The following VWF variants were observed in gnomAD, a reference collection of about 807,000 sequenced individuals.
The protein encoded by VWF is Factor VIII related antigen.
VWF carries 176 observed loss-of-function variants against 308.6 expected under a neutral mutation model. The observed-to-expected ratio is 0.57, with a 90% confidence interval of 0.50 to 0.65. The LOEUF is 0.65. VWF is among the 30% of genes least tolerant of loss of function. The pLI is 0.00. For missense variants in VWF, 3,146 were observed against 3,648.2 expected (o/e 0.86, Z 3.55); for synonymous variants, 1,385 against 1,443.4 (o/e 0.96, Z 0.92).
rs2136442583 is a variant in VWF, at chr12:6,046,404, C to T, written c.2281+319G>A. Among the ~76,000 whole-genome samples, 1 of 152,340 alleles carries T rather than the reference C, an allele frequency of 6.6e-6. No individual in the cohort carries two copies. The highest frequency in any genetic ancestry group is 1.5e-5 in the Non-Finnish European group (1 of 68,032). ...GTGACTGTCATCACAATCAAGGCCA[C>T]CAACTCACAGCTATCCACTGGGTTA... On this transcript the variant is annotated intron_variant, in intron 17 of 51. Transcript: ENST00000261405. The surrounding 1 kb of genome is among the most constrained non-coding windows in gnomAD (Gnocchi z 5.0).
chr12:6,121,450 T>C (rs1028295982), intron 2 of VWF, 112 bp from the exon 3 acceptor site: 4 of 1,342,712 alleles, frequency 3.0e-6, no homozygotes, highest in Non-Finnish European at 4.2e-6. Context: ...GAAACTGGGC[T>C]GTGGGGAGGT....
intron 1 of VWF, 84 bp from the exon 2 acceptor site, chr12:6,123,280 G>A: frequency 6.8e-7 from 1 of 1,464,648 alleles, no homozygotes; most frequent in Non-Finnish European, 9.6e-7. Flanking sequence ...GCATGCAGTA[G>A]CAAAAACATT....
chr12:6,118,893 C>T (rs1418381057), intron 3 of VWF, among the ~76,000 whole-genome samples: 1 of 152,132 alleles, frequency 6.6e-6, no homozygotes, highest in Non-Finnish European at 1.5e-5. Flanking sequence ...GCTGCTCTTC[C>T]AGCTCCTCCC....
chr12:5,984,931 C>T, intron 40 of VWF, 114 bp downstream of exon 40: 3 of 1,166,152 alleles, frequency 2.6e-6, no homozygotes, highest in South Asian at 2.5e-5. Flanking sequence ...TCCTTACCCA[C>T]CTCCTTTCAC....
chr12:5,986,936 TG>T (rs1943686411), intron 38 of VWF, among the ~76,000 whole-genome samples: 1 of 152,110 alleles, frequency 6.6e-6, no homozygotes, highest in South Asian at 2.1e-4. Flanking sequence ...TTTGTTTGTT[TG>T]TTTGTTTTGA....
At chr12:6,084,884 G>C (rs1424765039) in intron 6 of VWF, among the ~76,000 whole-genome samples, 1 of 152,024 alleles carries the variant, frequency 6.6e-6, no homozygotes, top group African/African-American at 2.4e-5. Flanking sequence ...GTGGGGGAGG[G>C]TAGCTGATTC....
At chr12:5,951,333 GC>G (rs1943187921) in intron 50 of VWF, among the ~76,000 whole-genome samples, 1 of 152,130 alleles carries the variant, frequency 6.6e-6, no homozygotes, top group African/African-American at 2.4e-5. Flanking sequence ...ACTTAGACCA[GC>G]CCCCACAGCA....
intron 40 of VWF, among the ~76,000 whole-genome samples, chr12:5,983,543 G>A (rs41405848): frequency 7.8e-5 from 11 of 141,320 alleles, no homozygotes; most frequent in Non-Finnish European, 1.4e-4. Context: ...ATAGATAGAT[G>A]GATGATAGAT....
intron 44 of VWF, among the ~76,000 whole-genome samples, chr12:5,969,985 C>T (rs560134416): frequency 3.0e-4 from 46 of 152,308 alleles, no homozygotes; most frequent in African/African-American, 1.0e-3. Flanking sequence ...CCCTCTGTGT[C>T]GGCCAGCACC....
intron 34 of VWF, among the ~76,000 whole-genome samples, chr12:5,996,966 G>A (rs902418231): frequency 6.6e-6 from 1 of 152,172 alleles, no homozygotes; most frequent in African/African-American, 2.4e-5. Context: ...CCTAAGTAAA[G>A]TTGGAGATAA....
chr12:6,106,373 G>A (rs1409714116), intron 5 of VWF, among the ~76,000 whole-genome samples: 1 of 152,152 alleles, frequency 6.6e-6, no homozygotes, highest in Admixed American at 6.5e-5. Context: ...ACTTATATGA[G>A]ATACTTAGAG....
intron 3 of VWF, among the ~76,000 whole-genome samples, chr12:6,116,826 G>A (rs1945372299): frequency 6.6e-6 from 1 of 152,186 alleles, no homozygotes; most frequent in Non-Finnish European, 1.5e-5. Context: ...ATATGAATAA[G>A]GTCCACAGGC....
intron 6 of VWF, among the ~76,000 whole-genome samples, chr12:6,079,774 A>G (rs150374872): frequency 6.2e-4 from 95 of 152,154 alleles, no homozygotes; most frequent in African/African-American, 2.1e-3. Flanking sequence ...ATAAAATGCA[A>G]GTCTAACTAT....
At chr12:5,979,653 G>A (rs535343826) in intron 42 of VWF, among the ~76,000 whole-genome samples, 28 of 152,134 alleles carry the variant, frequency 1.8e-4, no homozygotes, top group African/African-American at 6.5e-4. Flanking sequence ...AGGAGGCTGA[G>A]GCAAGAGAAT....
intron 40 of VWF, 30 bp from the exon 41 acceptor site, chr12:5,983,284 A>C (rs1416282542): frequency 6.2e-7 from 1 of 1,606,742 alleles, no homozygotes; most frequent in South Asian, 1.1e-5. Context: ...ACGTCCATGC[A>C]GAGTTCAGAA....
intron 3 of VWF, among the ~76,000 whole-genome samples, chr12:6,116,758 G>A (rs556615228): frequency 1.3e-5 from 2 of 152,314 alleles, no homozygotes; most frequent in Admixed American, 1.3e-4. Flanking sequence ...TCAAGGACAG[G>A]GGCCTCGCCT....
chr12:6,113,267 A>C (rs1285743714), intron 3 of VWF, among the ~76,000 whole-genome samples: 2 of 152,120 alleles, frequency 1.3e-5, no homozygotes, highest in Non-Finnish European at 2.9e-5. Context: ...AAGAAAAAGA[A>C]ACAACTGGAA....
chr12:6,022,027 G>C lies in VWF; in HGVS notation c.3547C>G (p.Leu1183Val), dbSNP rs147818186. ...CHAHCPPGKI[L>V]DELLQTCVDP... The stretch of plus-strand genomic sequence containing the variant: ...ACGCAGGTCTGCAAAAGCTCATCCA[G>C]GATTTTCCCTGCAAAAGAAAGCTCT... Residue 1183 changes from leucine (L) to valine (V), a missense_variant, in exon 27 of 52, where the codon CTG (leucine) becomes GTG (valine). Leu to Val is a conservative substitution (Grantham distance 32). Coordinates refer to ENST00000261405, the MANE Select transcript of VWF (RefSeq NM_000552.5). 1.2e-6 allele frequency: 2 copies of C among 1,614,114 alleles called. No homozygotes were observed. Among genetic ancestry groups the C allele is most frequent in the Non-Finnish European group, 1.7e-6 (2 of 1,180,022 alleles).
rs568180382 is a variant in VWF at position 5,979,147 on chromosome 12, C to G, written c.7287+2639G>C. Among the ~76,000 whole-genome samples the G allele has an allele frequency of 1.3e-3, 197 of 152,348 alleles. 3 individuals carry two copies. Among genetic ancestry groups the G allele is most frequent in the African/African-American group, 4.4e-3 (181 of 41,576 alleles). Reference sequence around the variant, plus strand: ...CTGTCCTTGACAGTTGCTAGAGCATCAACTCATGGCTATGAAAACTGGAAA... The same window carrying G: ...CTGTCCTTGACAGTTGCTAGAGCATGAACTCATGGCTATGAAAACTGGAAA... On this transcript the variant is annotated intron_variant, in intron 42 of 51. Coordinates refer to ENST00000261405, the MANE Select transcript of VWF (RefSeq NM_000552.5).
Sources: gnomAD v4.1 joint callset for allele counts (sites outside exome capture counted in the v4.1 genomes callset) on GRCh38, gnomAD v4.1.1 for gene constraint, Gnocchi (gnomAD v3.1) non-coding constraint, MANE v1.5 for transcripts, NCBI Gene and HGNC (gene_info 2026-07-23, HGNC 2026-07-21) for gene names.